The following NOMO1 variants were observed in gnomAD, a reference collection of about 807,000 sequenced individuals.
NOMO1 encodes the protein nodal modulator 3.
A neutral mutation model predicts 133.8 loss-of-function variants in NOMO1; 40 were observed. That is an observed-to-expected ratio of 0.30 (90% CI 0.23 to 0.39). The LOEUF (loss-of-function observed/expected upper bound fraction) is 0.39, where lower values mean the gene tolerates loss of function less well. Ranked by LOEUF, NOMO1 falls within the 10% of genes least tolerant of loss-of-function variation. The pLI is 1.00. For missense variants in NOMO1, 462 were observed against 1,419.9 expected (o/e 0.33, Z 10.84); for synonymous variants, 236 against 570.5 (o/e 0.41, Z 8.36).
intron 15 of NOMO1, among the ~76,000 whole-genome samples, chr16:14,867,862 G>C (rs1442484470): frequency 7.0e-6 from 1 of 142,660 alleles, no homozygotes; most frequent in African/African-American, 2.5e-5. Context: ...TCCAGCAGTG[G>C]AGTGGATTTC....
rs1168703688 is a variant in NOMO1 at position 14,833,754 on chromosome 16, C to T, written c.-98C>T. The T allele has an allele frequency of 8.3e-6, 8 of 967,714 alleles. No individual in the cohort carries two copies. The East Asian group carries it at 2.4e-4, about 29-fold the overall frequency. The allele number at this position is 967,714 out of a possible 1,614,324, so 59.9% of individuals were successfully genotyped here. ...CGGCGGCGGTGGGGCGGGGCCTGGG[C>T]TGTCAGCCGGCCTAGGAGGAGGAAG... On this transcript the variant is annotated 5_prime_UTR_variant, in exon 1 of 31. Coordinates refer to ENST00000287667, the MANE Select transcript of NOMO1 (RefSeq NM_014287.4).
At chr16:14,843,625 C>CT (rs1174935662) in intron 3 of NOMO1, among the ~76,000 whole-genome samples, 1 of 151,826 alleles carries the variant, frequency 6.6e-6, no homozygotes, top group African/African-American at 2.4e-5. Context: ...GAAAATTCCA[C>CT]TTTTTTGTAT....
At chr16:14,885,990 A>C (rs1422111841) in intron 27 of NOMO1, among the ~76,000 whole-genome samples, 1 of 152,018 alleles carries the variant, frequency 6.6e-6, no homozygotes, top group Non-Finnish European at 1.5e-5. Flanking sequence ...TGTTATGTAG[A>C]AAGGTGCCAG....
intron 16 of NOMO1, among the ~76,000 whole-genome samples, chr16:14,868,932 AT>A (rs1156318038): frequency 5.3e-4 from 75 of 142,448 alleles, no homozygotes; most frequent in Admixed American, 4.9e-3. Flanking sequence ...GCTCTTTCTC[AT>A]TTTTTTTTCT....
At chr16:14,866,715 T>C (rs1964001921) in intron 15 of NOMO1, 24 bp downstream of exon 15, 4 of 1,609,828 alleles carry the variant, frequency 2.5e-6, no homozygotes, top group Middle Eastern at 2.3e-4. Flanking sequence ...ATTGAGTCTC[T>C]TATTTGGAAA....
At chr16:14,867,165 TATATATATATA>T (rs1433885074) in intron 15 of NOMO1, among the ~76,000 whole-genome samples, 12 of 23,594 alleles carry the variant, frequency 5.1e-4, no homozygotes, top group African/African-American at 1.1e-3. Context: ...TATATATATA[TATATATATATA>T]TTTTTTTTTT....
At chr16:14,843,807 A>AT (rs1264946871) in intron 3 of NOMO1, among the ~76,000 whole-genome samples, 1 of 136,306 alleles carries the variant, frequency 7.3e-6, no homozygotes, top group Non-Finnish European at 1.6e-5. Context: ...ATGGTTTTCC[A>AT]TTTTTTTCTC....
intron 6 of NOMO1, among the ~76,000 whole-genome samples, chr16:14,851,179 A>G (rs1963753917): frequency 6.6e-6 from 1 of 151,476 alleles, no homozygotes; most frequent in Non-Finnish European, 1.5e-5. Flanking sequence ...AATTGTCTGC[A>G]TAGAAGAATC....
intron 1 of NOMO1, among the ~76,000 whole-genome samples, chr16:14,836,919 A>C (rs954458599): frequency 6.6e-6 from 1 of 150,928 alleles, no homozygotes; most frequent in Non-Finnish European, 1.5e-5. Flanking sequence ...GTTAGCCAGG[A>C]TGGTCTCGAT....
At chr16:14,886,277 C>A (rs1405796075) in intron 27 of NOMO1, among the ~76,000 whole-genome samples, 1 of 141,210 alleles carries the variant, frequency 7.1e-6, no homozygotes, top group Non-Finnish European at 1.5e-5. Flanking sequence ...CAGTGCAAGG[C>A]GGGAAGGACC....
In NOMO1 at chr16:14,866,439, C is replaced by G. The variant is rs1963995944; in HGVS notation, c.1670-116C>G. 4.4e-6 allele frequency: 7 copies of G among 1,589,698 alleles called. No homozygotes were observed. The Admixed American group carries it at 5.1e-5, about 12-fold the overall frequency. On this transcript the variant is annotated intron_variant, in intron 14 of 30. Coordinates refer to ENST00000287667, the MANE Select transcript of NOMO1 (RefSeq NM_014287.4). Reference sequence around the variant, plus strand: ...TATGTGTATATTTCTATCTTTATGTCTACATACACACCTGCTTTTTAAAAT... The same window carrying G: ...TATGTGTATATTTCTATCTTTATGTGTACATACACACCTGCTTTTTAAAAT...
chr16:14,893,590 C>T (rs920710805), intron 29 of NOMO1, among the ~76,000 whole-genome samples: 1 of 151,904 alleles, frequency 6.6e-6, no homozygotes, highest in Non-Finnish European at 1.5e-5. Context: ...GAAATCTGTT[C>T]CTGCCCTTAT....
Position 14,866,311 on chromosome 16 carries a change from C to T in NOMO1, c.1670-244C>T, listed in dbSNP as rs1390786940. Among the ~76,000 whole-genome samples the T allele has an allele frequency of 3.3e-5, 5 of 150,604 alleles. 1 individual carries two copies. The highest frequency in any genetic ancestry group is 3.9e-4 in the East Asian group (2 of 5,110). ...CTGGCTTCAAGCCATCCAAGTGCGT[C>T]GGCCTCCCAGAGTGCTGGGATTATA... On this transcript the variant is annotated intron_variant, in intron 14 of 30. Transcript: ENST00000287667.
At chr16:14,874,073 G>C (rs375889428) in intron 18 of NOMO1, among the ~76,000 whole-genome samples, 66 of 34,836 alleles carry the variant, frequency 1.9e-3, no homozygotes, top group Admixed American at 6.2e-3. Context: ...GCTGGGCTTC[G>C]CTTCTTACCA....
intron 15 of NOMO1, 143 bp downstream of exon 15, chr16:14,866,834 C>T (rs1230649442): frequency 2.3e-5 from 36 of 1,561,280 alleles, no homozygotes; most frequent in South Asian, 9.3e-5. Context: ...TGTTACGCAA[C>T]GCATAATCAG....
At position 14,837,500 on chromosome 16, in the gene NOMO1, C is replaced by T. The variant is rs1428431540; in HGVS notation, c.166-907C>T. Among the ~76,000 whole-genome samples the T allele has an allele frequency of 3.3e-5, 5 of 151,906 alleles. No individual in the cohort carries two copies. In the East Asian group the frequency reaches 5.8e-4, roughly 18 times the overall value. On this transcript the variant is annotated intron_variant, in intron 1 of 30. Coordinates refer to ENST00000287667, the MANE Select transcript of NOMO1 (RefSeq NM_014287.4). ...TGGGCATCTTACTGGGTTAACACTT[C>T]GTGTCTGGTAATGCTCAGAATGTAA...
chr16:14,866,652 C>T lies in NOMO1; in HGVS notation c.1767C>T (p.Gly589=), dbSNP rs1391563275. The T allele has an allele frequency of 5.0e-6, 8 of 1,610,040 alleles. 1 individual carries two copies. In the East Asian group the frequency reaches 1.8e-4, roughly 36 times the overall value. ...CTGCAGTTGAGTTCAGGCAGACGGG[C>T]TACATGCTGAGATGTTCCCTGTCTC... is the stretch of plus-strand genomic sequence containing the variant. ...DMSAVEFRQT[G]YMLRCSLSHA... is the part of the protein sequence containing the mutation. Residue 589 remains glycine, a synonymous_variant, in exon 15 of 31, where the codon GGC becomes GGT. Coordinates refer to ENST00000287667, the MANE Select transcript of NOMO1 (RefSeq NM_014287.4).
chr16:14,889,409 A>G (rs933770888), intron 29 of NOMO1, among the ~76,000 whole-genome samples, 194 bp downstream of exon 29: 23 of 152,136 alleles, frequency 1.5e-4, no homozygotes, highest in Admixed American at 1.2e-3. Flanking sequence ...GAACGCACCT[A>G]TAGTCCCGGC....
At chr16:14,879,878 A>G in intron 23 of NOMO1, 137 bp from the exon 24 acceptor site, 1 of 1,569,184 alleles carries the variant, frequency 6.4e-7, no homozygotes, top group Non-Finnish European at 8.7e-7. Flanking sequence ...GATTATAGAG[A>G]GAGGGTTACT....
Sources: allele counts gnomAD v4.1 joint callset (sites outside exome capture counted in the v4.1 genomes callset), GRCh38; gene constraint gnomAD v4.1.1; transcripts MANE v1.5; gene names NCBI Gene and HGNC (gene_info 2026-07-23, HGNC 2026-07-21).